SLC9A9: variants seen among roughly 807,000 people sequenced by gnomAD.
SLC9A9 encodes the protein sodium/hydrogen exchanger 9.
In SLC9A9, 62 loss-of-function variants were observed where a neutral mutation model predicts 77.8. The observed-to-expected ratio is 0.80, with a 90% CI of 0.65 to 0.98. SLC9A9 has a LOEUF of 0.98. Ranked by LOEUF, SLC9A9 falls within the 50% of genes least tolerant of loss-of-function variation. The probability of loss-of-function intolerance (pLI) is 0.00; values close to 1 mark genes in which losing one functional copy is unlikely to be tolerated. For missense variants in SLC9A9, 775 were observed against 774.9 expected (o/e 1.00, Z 0.00); for synonymous variants, 320 against 283.5 (o/e 1.13, Z -1.29).
At chr3:143,403,238 T>A (rs1380482978) in intron 12 of SLC9A9, among the ~76,000 whole-genome samples, 3 of 152,224 alleles carry the variant, frequency 2.0e-5, no homozygotes, top group South Asian at 2.1e-4. Flanking sequence ...TATTTCTTCC[T>A]GTGGATTTGA....
chr3:143,396,036 T>C (rs2033720729), intron 12 of SLC9A9, among the ~76,000 whole-genome samples: 4 of 152,184 alleles, frequency 2.6e-5, no homozygotes. Context: ...TGGAAGTCAG[T>C]GTGGCGATTC....
At chr3:143,487,166 A>G (rs2035665961) in intron 11 of SLC9A9, among the ~76,000 whole-genome samples, 1 of 151,824 alleles carries the variant, frequency 6.6e-6, no homozygotes, top group Non-Finnish European at 1.5e-5. Context: ...AGTTAAAAAC[A>G]TTTACAGAAG....
At chr3:143,744,594 G>A (rs1390534615) in intron 4 of SLC9A9, among the ~76,000 whole-genome samples, 1 of 152,126 alleles carries the variant, frequency 6.6e-6, no homozygotes, top group Non-Finnish European at 1.5e-5. Context: ...AAAGCCTCCT[G>A]ATTCCTTTTC....
chr3:143,646,171 T>C (rs1036246824), intron 6 of SLC9A9, among the ~76,000 whole-genome samples: 1 of 151,814 alleles, frequency 6.6e-6, no homozygotes, highest in Non-Finnish European at 1.5e-5. Flanking sequence ...GGTAAATATA[T>C]GCAAGCCAAA....
intron 6 of SLC9A9, among the ~76,000 whole-genome samples, chr3:143,641,344 A>G (rs1031955560): frequency 7.0e-6 from 1 of 143,732 alleles, no homozygotes; most frequent in Admixed American, 7.0e-5. Flanking sequence ...TGATTTCAGC[A>G]TTTCCTTACC....
At position 143,597,196 on chromosome 3, in the gene SLC9A9, G is replaced by A. The variant is rs555355396; in HGVS notation, c.756-18473C>T. ...CACACCTCCACTTATTATATAGCCT[G>A]TTCGTGTAAGTTCATGCTTGGCTTG... On this transcript the variant is annotated intron_variant, in intron 6 of 15. Transcript: ENST00000316549. Among the ~76,000 whole-genome samples the A allele has an allele frequency of 3.3e-5, 5 of 152,312 alleles. No homozygotes were observed. The South Asian group carries it at 8.3e-4, about 25-fold the overall frequency.
Position 143,437,472 on chromosome 3 carries a change from C to G in SLC9A9, c.1469+29565G>C, listed in dbSNP as rs182711295. Among the ~76,000 whole-genome samples, 129 of 152,330 alleles carry G rather than the reference C, an allele frequency of 8.5e-4. 2 individuals carry two copies. Among genetic ancestry groups the G allele is most frequent in the African/African-American group, 3.1e-3 (128 of 41,580 alleles). On this transcript the variant is annotated intron_variant, in intron 12 of 15. Transcript: ENST00000316549. ...AGGGCCCTGTCATACCCAGGTCCCT[C>G]AGACTATTACTGCGTCCTGCTTCCT...
intron 14 of SLC9A9, among the ~76,000 whole-genome samples, chr3:143,314,913 A>G (rs2031153520): frequency 6.6e-6 from 1 of 152,204 alleles, no homozygotes; most frequent in African/African-American, 2.4e-5. Context: ...CCATCACTGC[A>G]CTCAATAGTG....
At chr3:143,477,330 A>ATTTT (rs59195338) in intron 11 of SLC9A9, among the ~76,000 whole-genome samples, 4,806 of 99,872 alleles carry the variant, frequency 0.048, 155 homozygotes, top group Middle Eastern at 0.074. Context: ...GGCTTCTTCA[A>ATTTT]TTTTTTTTTT....
At chr3:143,801,505 C>T (rs1246281404) in intron 2 of SLC9A9, among the ~76,000 whole-genome samples, 1 of 152,100 alleles carries the variant, frequency 6.6e-6, no homozygotes, top group Non-Finnish European at 1.5e-5. Flanking sequence ...TGTTCCTGGC[C>T]CAGACTTCAA....
intron 4 of SLC9A9, among the ~76,000 whole-genome samples, chr3:143,794,093 C>T (rs1364472343): frequency 6.6e-6 from 1 of 152,188 alleles, no homozygotes; most frequent in Non-Finnish European, 1.5e-5. Context: ...ACACAAAATC[C>T]CTCTGCTTAC....
intron 5 of SLC9A9, among the ~76,000 whole-genome samples, chr3:143,660,854 G>T (rs1164647373): frequency 6.6e-6 from 1 of 152,134 alleles, no homozygotes; most frequent in East Asian, 1.9e-4. Flanking sequence ...CCATGTTTTA[G>T]ATTATGCTTA....
At chr3:143,748,535 C>G (rs1416059724) in intron 4 of SLC9A9, among the ~76,000 whole-genome samples, 1 of 152,198 alleles carries the variant, frequency 6.6e-6, no homozygotes, top group Non-Finnish European at 1.5e-5. Context: ...GACCATCCAG[C>G]AAATATCCTC....
intron 14 of SLC9A9, among the ~76,000 whole-genome samples, chr3:143,308,057 A>G (rs1237163443): frequency 6.6e-6 from 1 of 152,216 alleles, no homozygotes; most frequent in African/African-American, 2.4e-5. Flanking sequence ...TTGAAACCAC[A>G]GCATCCACTT....
At chr3:143,504,111 G>T in intron 9 of SLC9A9, 1 of 486,560 alleles carries the variant, frequency 2.1e-6, no homozygotes, top group Non-Finnish European at 4.1e-6. Context: ...TGTGGAACTT[G>T]CCATGGGTGG....
At chr3:143,550,030 G>A (rs1394560233) in intron 9 of SLC9A9, among the ~76,000 whole-genome samples, 1 of 152,216 alleles carries the variant, frequency 6.6e-6, no homozygotes, top group East Asian at 1.9e-4. Flanking sequence ...TTCTGTAACT[G>A]CATCTTGTGA....
At chr3:143,417,992 A>G (rs538257159) in intron 12 of SLC9A9, among the ~76,000 whole-genome samples, 1 of 151,884 alleles carries the variant, frequency 6.6e-6, no homozygotes, top group African/African-American at 2.4e-5. Flanking sequence ...CAATCCCTCC[A>G]TGTACTGCAT....
chr3:143,802,658 A>G (rs917144458), intron 2 of SLC9A9, among the ~76,000 whole-genome samples: 2 of 152,158 alleles, frequency 1.3e-5, no homozygotes, highest in Admixed American at 6.5e-5. Context: ...TTACCCAAGC[A>G]GTTTCTCAGG....
At chr3:143,706,029 G>A (rs1229494491) in intron 4 of SLC9A9, among the ~76,000 whole-genome samples, 3 of 152,154 alleles carry the variant, frequency 2.0e-5, no homozygotes, top group African/African-American at 7.2e-5. Flanking sequence ...GCTTTGAGAG[G>A]AACACAGCGT....
Sources: allele counts gnomAD v4.1 joint callset (sites outside exome capture counted in the v4.1 genomes callset), GRCh38; gene constraint gnomAD v4.1.1; transcripts MANE v1.5; gene names NCBI Gene and HGNC (gene_info 2026-07-23, HGNC 2026-07-21).